YWHAQ: variants seen among roughly 807,000 people sequenced by gnomAD.
YWHAQ encodes tyrosine 3-monooxygenase/tryptophan 5-monooxygenase activation protein theta.
A neutral mutation model predicts 28.3 loss-of-function variants in YWHAQ; 6 were observed. The observed-to-expected ratio is 0.21, with a 90% CI of 0.12 to 0.42. YWHAQ has a LOEUF of 0.42. YWHAQ is among the 10% of genes least tolerant of loss of function. The pLI is 1.00. For missense variants in YWHAQ, 201 were observed against 305.6 expected, an observed-to-expected ratio of 0.66 and a Z score of 2.55; for synonymous variants, 143 against 119.1, an observed-to-expected ratio of 1.20 and a Z score of -1.31.
At chr2:9,626,004 TTTA>T in intron 2 of YWHAQ, among the ~76,000 whole-genome samples, 1 of 113,992 alleles carries the variant, frequency 8.8e-6, no homozygotes, top group East Asian at 2.0e-4. Flanking sequence ...TAAGACATTT[TTTA>T]TTGAGATTAA....
chr2:9,622,828 T>C (rs1428562972), intron 2 of YWHAQ, among the ~76,000 whole-genome samples: 5 of 152,242 alleles, frequency 3.3e-5, no homozygotes, highest in East Asian at 1.9e-4. Context: ...CACTGACTTA[T>C]CTATGGATTA....
chr2:9,614,540 G>A (rs1667008249), intron 2 of YWHAQ, among the ~76,000 whole-genome samples: 1 of 152,168 alleles, frequency 6.6e-6, no homozygotes, highest in African/African-American at 2.4e-5. Flanking sequence ...AAAATGGACA[G>A]ACATCCTGAT....
At chr2:9,614,781 T>G (rs1667014003) in intron 2 of YWHAQ, among the ~76,000 whole-genome samples, 1 of 152,168 alleles carries the variant, frequency 6.6e-6, no homozygotes, top group Admixed American at 6.5e-5. Flanking sequence ...CAGGCTAACT[T>G]TTCCATTTAT....
At chr2:9,607,684 C>G (rs1666860580) in intron 2 of YWHAQ, among the ~76,000 whole-genome samples, 1 of 149,670 alleles carries the variant, frequency 6.7e-6, no homozygotes, top group Non-Finnish European at 1.5e-5. Flanking sequence ...AATGGTAACA[C>G]ATTTTAAAGG....
Position 9,601,470 on chromosome 2 carries a change from AAAAC to A in YWHAQ, c.295-9959_295-9956del, listed in dbSNP as rs1307596995. On this transcript the variant is annotated intron_variant, in intron 2 of 5. Coordinates refer to ENST00000238081, the MANE Select transcript of YWHAQ (RefSeq NM_006826.4). ...AACAAGAGTGAAACTCCACCTCAAA[AAAAC>A]AAACAAACAAAAAATATTATAATTC... is the stretch of plus-strand genomic sequence containing the variant. 4.6e-5 allele frequency among the ~76,000 whole-genome samples: 7 copies of A among 152,340 alleles called. No homozygotes were observed. In the East Asian group the frequency reaches 7.7e-4, roughly 17 times the overall value.
intron 2 of YWHAQ, among the ~76,000 whole-genome samples, chr2:9,617,050 T>A (rs1383654741): frequency 1.3e-5 from 2 of 151,962 alleles, no homozygotes; most frequent in African/African-American, 4.8e-5. Context: ...AAGCTCCGCC[T>A]CCTGGGTTCA....
At chr2:9,597,423 G>A (rs371506292) in intron 2 of YWHAQ, among the ~76,000 whole-genome samples, 1 of 152,020 alleles carries the variant, frequency 6.6e-6, no homozygotes, top group Non-Finnish European at 1.5e-5. Context: ...CGGGGTGGGC[G>A]GATCACGAGG....
intron 2 of YWHAQ, among the ~76,000 whole-genome samples, chr2:9,593,236 CTTTTTTT>C (rs34085406): frequency 8.7e-6 from 1 of 114,960 alleles, no homozygotes; most frequent in Admixed American, 9.7e-5. Context: ...GCATCCATGT[CTTTTTTT>C]TTTTTTTTTT....
Position 9,599,098 on chromosome 2 carries a change from T to C in YWHAQ, c.295-7583A>G, listed in dbSNP as rs59314800. Among the ~76,000 whole-genome samples, 849 of 152,300 alleles carry C rather than the reference T, an allele frequency of 5.6e-3. 4 individuals are homozygous for C. The highest frequency in any genetic ancestry group is 0.02 in the African/African-American group (811 of 41,564). On this transcript the variant is annotated intron_variant, in intron 2 of 5. Transcript: ENST00000238081. Reference sequence around the variant, plus strand: ...TGGAGAAAACTTTATGTGGTCTGAATAGAAGCTGAGGCCAGCCACAACATT... The same window carrying C: ...TGGAGAAAACTTTATGTGGTCTGAACAGAAGCTGAGGCCAGCCACAACATT...
At chr2:9,589,595 A>G (rs1418550433) in intron 3 of YWHAQ, among the ~76,000 whole-genome samples, 1 of 152,142 alleles carries the variant, frequency 6.6e-6, no homozygotes, top group Non-Finnish European at 1.5e-5. Context: ...AATTAATAAT[A>G]ATAATAATAA....
At chr2:9,617,798 A>C (rs1337777849) in intron 2 of YWHAQ, among the ~76,000 whole-genome samples, 1 of 151,906 alleles carries the variant, frequency 6.6e-6, no homozygotes, top group Non-Finnish European at 1.5e-5. Context: ...GTGGTGGTGC[A>C]CATCTGTAAT....
chr2:9,611,546 T>G (rs1666946911), intron 2 of YWHAQ, among the ~76,000 whole-genome samples: 1 of 152,148 alleles, frequency 6.6e-6, no homozygotes. Flanking sequence ...ATGCTAACCC[T>G]CCCGCTCCAT....
At chr2:9,593,069 T>C (rs933238373) in intron 2 of YWHAQ, among the ~76,000 whole-genome samples, 1 of 152,166 alleles carries the variant, frequency 6.6e-6, no homozygotes, top group Non-Finnish European at 1.5e-5. Context: ...TGATACCAAG[T>C]TGGCAAGTCT....
At chr2:9,601,539 C>A (rs1382110347) in intron 2 of YWHAQ, among the ~76,000 whole-genome samples, 2 of 152,174 alleles carry the variant, frequency 1.3e-5, no homozygotes, top group African/African-American at 4.8e-5. Context: ...AAAAATGAAT[C>A]ATCCTGGTGT....
intron 2 of YWHAQ, among the ~76,000 whole-genome samples, chr2:9,626,149 T>G (rs1667243745): frequency 6.6e-6 from 1 of 152,248 alleles, no homozygotes; most frequent in Non-Finnish European, 1.5e-5. Flanking sequence ...ATATGCACTT[T>G]AGTTTCTGAA....
At position 9,630,177 on chromosome 2, in the gene YWHAQ, G is replaced by A. The variant is rs762606877; in HGVS notation, c.276C>T (p.Ser92=). ...GACTCACCAGCACCGTGGTGCAGAT[G>A]GATCTCAGCTCGGACTCCACTTTCT... ...YREKVESELR[S]ICTTVLELLD... The change falls in exon 2 of 6, where the codon TCC becomes TCT. Residue 92 remains serine, a synonymous_variant. Transcript: ENST00000238081. This position sits in a 1 kb window ranked among gnomAD's most constrained non-coding sequence, Gnocchi z 5.6. 6.2e-7 allele frequency: 1 copy of A among 1,613,664 alleles called. No individual in the cohort carries two copies. Among genetic ancestry groups the A allele is most frequent in the Non-Finnish European group, 8.5e-7 (1 of 1,179,996 alleles).
chr2:9,604,049 C>G (rs145785820), intron 2 of YWHAQ, among the ~76,000 whole-genome samples: 2 of 152,208 alleles, frequency 1.3e-5, no homozygotes, highest in Non-Finnish European at 2.9e-5. Flanking sequence ...ATTCCTTACA[C>G]AGGCCTGGGC....
intron 2 of YWHAQ, among the ~76,000 whole-genome samples, chr2:9,616,108 G>A (rs1199852808): frequency 6.6e-6 from 1 of 152,122 alleles, no homozygotes; most frequent in African/African-American, 2.4e-5. Flanking sequence ...ATACAGCGCT[G>A]TCAACTTGGC....
rs1024996921 is a variant in YWHAQ, at chr2:9,609,322, T to C, written c.295-17807A>G. 6.6e-5 allele frequency among the ~76,000 whole-genome samples: 10 copies of C among 151,958 alleles called. No homozygotes were observed. In the South Asian group the frequency reaches 8.3e-4, roughly 13 times the overall value. On this transcript the variant is annotated intron_variant, in intron 2 of 5. Coordinates refer to ENST00000238081, the MANE Select transcript of YWHAQ (RefSeq NM_006826.4). ...AAAAAAAATGAAAACAACTTTAAAA[T>C]TGGAGATGGACAAAGAAAATTAATA...
Sources: allele counts gnomAD v4.1 joint callset (sites outside exome capture counted in the v4.1 genomes callset), GRCh38; gene constraint gnomAD v4.1.1; non-coding constraint Gnocchi (gnomAD v3.1); transcripts MANE v1.5; gene names NCBI Gene and HGNC (gene_info 2026-07-23, HGNC 2026-07-21).